Variants in RPH3A observed in about 807,000 individuals in gnomAD.
RPH3A encodes rabphilin 3A, also known as rabphilin-3A.
In RPH3A, 48 loss-of-function variants were observed where a neutral mutation model predicts 102.2. That is an observed-to-expected ratio of 0.47 (90% CI 0.37 to 0.60). The LOEUF (loss-of-function observed/expected upper bound fraction) is 0.60. Ranked by LOEUF, RPH3A falls within the 20% of genes least tolerant of loss-of-function variation. The pLI is 0.00. For missense variants in RPH3A, 781 were observed against 910.1 expected (o/e 0.86, Z 1.83); for synonymous variants, 310 against 324.3 (o/e 0.96, Z 0.47).
chr12:112,674,681 C>A (rs1427605174), intron 1 of RPH3A, among the ~76,000 whole-genome samples: 3 of 152,154 alleles, frequency 2.0e-5, no homozygotes, highest in Non-Finnish European at 4.4e-5. Flanking sequence ...TTATCTGTGA[C>A]CCTGCTCCAG....
intron 1 of RPH3A, among the ~76,000 whole-genome samples, chr12:112,615,133 G>T (rs1204815042): frequency 6.6e-6 from 1 of 152,150 alleles, no homozygotes; most frequent in Non-Finnish European, 1.5e-5. Context: ...ACCTTGATGG[G>T]ATCTGGCACA....
chr12:112,733,258 C>G (rs1289409096), intron 1 of RPH3A, among the ~76,000 whole-genome samples: 1 of 152,178 alleles, frequency 6.6e-6, no homozygotes, highest in Non-Finnish European at 1.5e-5. Context: ...TACTTTCACA[C>G]AAATACCCAC....
At chr12:112,827,287 T>C (rs190877805) in intron 2 of RPH3A, among the ~76,000 whole-genome samples, 1 of 152,362 alleles carries the variant, frequency 6.6e-6, no homozygotes, top group Admixed American at 6.5e-5. Context: ...GTATACTTTA[T>C]ATAGGTGGAA....
At chr12:112,659,013 C>T (rs554036398) in intron 1 of RPH3A, among the ~76,000 whole-genome samples, 3 of 152,306 alleles carry the variant, frequency 2.0e-5, no homozygotes, top group Non-Finnish European at 4.4e-5. Flanking sequence ...TTGTTATGTA[C>T]TTAGCCATTT....
chr12:112,890,367 C>G (rs553871188), intron 18 of RPH3A, among the ~76,000 whole-genome samples: 1 of 152,330 alleles, frequency 6.6e-6, no homozygotes, highest in South Asian at 2.1e-4. Context: ...CAATGGCACA[C>G]TCCTTTCTTG....
chr12:112,784,400 G>A lies in RPH3A; in HGVS notation c.-139-7743G>A, dbSNP rs192459563. Among the ~76,000 whole-genome samples the A allele has an allele frequency of 5.9e-5, 9 of 152,192 alleles. No homozygotes were observed. In the East Asian group the frequency reaches 1.7e-3, roughly 29 times the overall value. ...CTTCTGAGGTGATGATCTATCCCAG[G>A]TTCCCCTAAAATTGTTCAAAGACAG... On this transcript the variant is annotated intron_variant, in intron 1 of 21. Transcript: ENST00000543106.
intron 1 of RPH3A, among the ~76,000 whole-genome samples, chr12:112,664,954 G>T (rs2040074606): frequency 6.6e-6 from 1 of 151,806 alleles, no homozygotes; most frequent in East Asian, 1.9e-4. Context: ...CGGGGGTGGG[G>T]GGGATAAGAA....
chr12:112,818,486 G>T (rs747562419), intron 2 of RPH3A, among the ~76,000 whole-genome samples: 3 of 152,034 alleles, frequency 2.0e-5, no homozygotes, highest in Non-Finnish European at 4.4e-5. Context: ...TTTCTTGTGT[G>T]TTGGCAAAAG....
intron 1 of RPH3A, among the ~76,000 whole-genome samples, chr12:112,740,507 G>T (rs903947950): frequency 6.6e-6 from 1 of 152,106 alleles, no homozygotes; most frequent in Non-Finnish European, 1.5e-5. Flanking sequence ...CAAGGAGTGG[G>T]CAAGCCAGCA....
upstream of RPH3A, among the ~76,000 whole-genome samples, chr12:112,789,471 C>T (rs1034622152): frequency 7.2e-5 from 11 of 152,168 alleles, no homozygotes; most frequent in Non-Finnish European, 1.3e-4. Context: ...TGGAATCATA[C>T]GACACTGAGT....
chr12:112,758,868 C>A (rs549486905), intron 1 of RPH3A, among the ~76,000 whole-genome samples: 331 of 152,240 alleles, frequency 2.2e-3, no homozygotes, highest in African/African-American at 7.3e-3. Context: ...AGATGGGTGT[C>A]CCATTGTGCT....
intron 15 of RPH3A, among the ~76,000 whole-genome samples, chr12:112,882,593 G>A (rs1490750062): frequency 3.9e-5 from 6 of 152,150 alleles, no homozygotes; most frequent in East Asian, 1.9e-4. Flanking sequence ...CAACACACAC[G>A]CGTATACTTT....
intron 1 of RPH3A, among the ~76,000 whole-genome samples, chr12:112,694,862 G>A (rs1399843273): frequency 3.3e-5 from 5 of 152,172 alleles, no homozygotes; most frequent in South Asian, 2.1e-4. Context: ...TGTGAGTGAC[G>A]ATTAAGTGAG....
intron 1 of RPH3A, among the ~76,000 whole-genome samples, chr12:112,712,898 TTCTTCCTCTTCTTCTTCTTCTTCTTCC>T (rs2040474564): frequency 8.4e-5 from 11 of 130,774 alleles, no homozygotes; most frequent in African/African-American, 3.2e-4. Context: ...CTTCTTCTTC[TTCTTCCTCTTCTTCTTCTTCTTCTTCC>T]TCTTCTTCTT....
At chr12:112,670,229 C>T (rs1311012065) in intron 1 of RPH3A, among the ~76,000 whole-genome samples, 1 of 152,160 alleles carries the variant, frequency 6.6e-6, no homozygotes, top group Non-Finnish European at 1.5e-5. Context: ...GTCGCCCAGG[C>T]TGGAGTGCAG....
At chr12:112,783,077 C>A (rs2041019984) in intron 1 of RPH3A, among the ~76,000 whole-genome samples, 1 of 152,156 alleles carries the variant, frequency 6.6e-6, no homozygotes. Flanking sequence ...GGGCTCTCAC[C>A]ATTTCTGTAG....
At chr12:112,837,964 A>G (rs1313872237) in intron 4 of RPH3A, among the ~76,000 whole-genome samples, 1 of 150,464 alleles carries the variant, frequency 6.6e-6, no homozygotes, top group Non-Finnish European at 1.5e-5. Context: ...ACTAAATACC[A>G]AGCACCATGC....
At chr12:112,874,925 C>T (rs751949881) in intron 10 of RPH3A, 159 bp from the exon 11 acceptor site, 380 of 593,144 alleles carry the variant, frequency 6.4e-4, no homozygotes, top group Non-Finnish European at 9.4e-4. Context: ...AAAGAACACA[C>T]TGAAGGCAGA....
intron 1 of RPH3A, among the ~76,000 whole-genome samples, chr12:112,748,813 A>T (rs147908505): frequency 0.016 from 2,408 of 152,294 alleles, 60 homozygotes; most frequent in African/African-American, 0.055. Flanking sequence ...ATGTTGACAC[A>T]CTGTGCCAGA....
Sources: gnomAD v4.1 joint callset for allele counts (sites outside exome capture counted in the v4.1 genomes callset) on GRCh38, gnomAD v4.1.1 for gene constraint, MANE v1.5 for transcripts, NCBI Gene and HGNC (gene_info 2026-07-23, HGNC 2026-07-21) for gene names.